Variants in MAGI2 observed in about 807,000 individuals in gnomAD.
MAGI2 encodes the protein membrane associated guanylate kinase, WW and PDZ domain containing 2, also known as membrane-associated guanylate kinase, WW and PDZ domain-containing protein 2.
A neutral mutation model predicts 133.3 loss-of-function variants in MAGI2; 35 were observed. The observed-to-expected ratio is 0.26, with a 90% confidence interval of 0.20 to 0.35. MAGI2 has a LOEUF of 0.35. MAGI2 is among the 10% of genes least tolerant of loss of function. MAGI2 has a pLI of 1.00. For missense variants in MAGI2, 1,636 were observed against 1,863.4 expected (o/e 0.88, Z 2.25); for synonymous variants, 729 against 710.6 (o/e 1.03, Z -0.41).
intron 6 of MAGI2, among the ~76,000 whole-genome samples, chr7:78,407,577 C>T (rs145188493): frequency 6.5e-4 from 99 of 151,426 alleles, no homozygotes; most frequent in African/African-American, 1.9e-3. Context: ...AGTTGAGTAA[C>T]GAATTGGTCA....
intron 1 of MAGI2, among the ~76,000 whole-genome samples, chr7:79,307,193 G>C (rs1448762711): frequency 6.6e-6 from 1 of 152,130 alleles, no homozygotes. Flanking sequence ...GTACCACGCA[G>C]TGCCTTACTC....
At chr7:78,846,715 T>G (rs1209012929) in intron 2 of MAGI2, among the ~76,000 whole-genome samples, 1 of 151,982 alleles carries the variant, frequency 6.6e-6, no homozygotes, top group Non-Finnish European at 1.5e-5. Context: ...GAATCAGTTA[T>G]TTAGATATAA....
At chr7:79,425,042 G>GT (rs201818424) in intron 1 of MAGI2, among the ~76,000 whole-genome samples, 2,029 of 152,070 alleles carry the variant, frequency 0.013, 23 homozygotes, top group Non-Finnish European at 0.02. Flanking sequence ...ATAGTCTGGA[G>GT]TTTAAGACCA....
intron 2 of MAGI2, among the ~76,000 whole-genome samples, chr7:78,843,711 T>G (rs1439530459): frequency 2.0e-5 from 3 of 151,596 alleles, no homozygotes; most frequent in African/African-American, 7.3e-5. Flanking sequence ...TTGAAAACAT[T>G]AATTTATTGC....
chr7:79,020,871 C>T (rs1445268195), intron 1 of MAGI2, among the ~76,000 whole-genome samples: 1 of 152,170 alleles, frequency 6.6e-6, no homozygotes, highest in East Asian at 1.9e-4. Flanking sequence ...CACAGCAGCT[C>T]CTTCCATCAC....
intron 21 of MAGI2, among the ~76,000 whole-genome samples, chr7:78,039,320 G>A (rs536358872): frequency 6.6e-6 from 1 of 152,208 alleles, no homozygotes; most frequent in Non-Finnish European, 1.5e-5. Flanking sequence ...AGTGCCTAAA[G>A]GTGCCAGTGT....
At chr7:78,986,318 A>T (rs1360137809) in intron 2 of MAGI2, among the ~76,000 whole-genome samples, 1 of 152,054 alleles carries the variant, frequency 6.6e-6, no homozygotes, top group African/African-American at 2.4e-5. Flanking sequence ...TGTATTTAAG[A>T]ATCTATTTTT....
intron 1 of MAGI2, among the ~76,000 whole-genome samples, chr7:79,023,165 T>C (rs1446997917): frequency 8.5e-6 from 1 of 117,756 alleles, no homozygotes; most frequent in East Asian, 2.7e-4. Flanking sequence ...ATCCCTAGGA[T>C]GCAAGTTTTG....
At chr7:79,064,598 T>C (rs1814118841) in intron 1 of MAGI2, among the ~76,000 whole-genome samples, 1 of 152,094 alleles carries the variant, frequency 6.6e-6, no homozygotes, top group Non-Finnish European at 1.5e-5. Context: ...CCTACAAGTC[T>C]GTGCATAACT....
intron 9 of MAGI2, among the ~76,000 whole-genome samples, chr7:78,332,794 T>C (rs547565467): frequency 5.3e-5 from 8 of 151,854 alleles, no homozygotes; most frequent in South Asian, 4.2e-4. Flanking sequence ...GTCTGAGAGA[T>C]ACATTACTAG....
intron 3 of MAGI2, among the ~76,000 whole-genome samples, chr7:78,541,999 G>T (rs1249863201): frequency 6.6e-6 from 1 of 152,210 alleles, no homozygotes; most frequent in African/African-American, 2.4e-5. Context: ...AGGCCATACA[G>T]TCTGGGTCAT....
chr7:78,756,124 CA>C (rs1823921125), intron 2 of MAGI2, among the ~76,000 whole-genome samples: 1 of 151,768 alleles, frequency 6.6e-6, no homozygotes, highest in African/African-American at 2.4e-5. Flanking sequence ...AGATATATAT[CA>C]GGTGGTGCTT....
At chr7:78,459,299 T>C (rs934002859) in intron 6 of MAGI2, among the ~76,000 whole-genome samples, 6 of 152,226 alleles carry the variant, frequency 3.9e-5, no homozygotes, top group Non-Finnish European at 8.8e-5. Flanking sequence ...ATTCTCATCT[T>C]GTCATTATTA....
chr7:79,428,278 A>G (rs1847534528), intron 1 of MAGI2, among the ~76,000 whole-genome samples: 1 of 152,176 alleles, frequency 6.6e-6, no homozygotes. Flanking sequence ...CAACAAGCAG[A>G]GAAGTATTGC....
At chr7:78,235,069 C>A (rs1481710600) in intron 10 of MAGI2, among the ~76,000 whole-genome samples, 28 of 151,908 alleles carry the variant, frequency 1.8e-4, no homozygotes, top group Admixed American at 1.8e-3. Flanking sequence ...TTGAGTTTTG[C>A]TTTTTAAAAA....
At chr7:78,281,714 G>T (rs76469264) in intron 9 of MAGI2, among the ~76,000 whole-genome samples, 2 of 108,856 alleles carry the variant, frequency 1.8e-5, no homozygotes, top group African/African-American at 6.0e-5. Flanking sequence ...CTCACTCTCT[G>T]TATTCAGAAA....
At chr7:79,240,687 G>A (rs144859814) in intron 1 of MAGI2, among the ~76,000 whole-genome samples, 49 of 152,292 alleles carry the variant, frequency 3.2e-4, no homozygotes, top group Admixed American at 1.0e-3. Context: ...CAGCTGGTCA[G>A]CAGCTGTATT....
chr7:79,019,338 T>C (rs1034298925), intron 1 of MAGI2, among the ~76,000 whole-genome samples: 2 of 152,056 alleles, frequency 1.3e-5, no homozygotes, highest in Non-Finnish European at 2.9e-5. Context: ...TGATACTGAG[T>C]GAACTCTCAT....
intron 10 of MAGI2, among the ~76,000 whole-genome samples, chr7:78,201,471 C>T (rs1161806890): frequency 6.6e-6 from 1 of 152,198 alleles, no homozygotes; most frequent in Admixed American, 6.5e-5. Context: ...CAGAGCTTGA[C>T]AAGGCTCAAA....
Sources: allele counts gnomAD v4.1 joint callset (sites outside exome capture counted in the v4.1 genomes callset), GRCh38; gene constraint gnomAD v4.1.1; transcripts MANE v1.5; gene names NCBI Gene and HGNC (gene_info 2026-07-23, HGNC 2026-07-21).